Variants in MST1R observed in about 807,000 individuals in gnomAD.
MST1R encodes macrophage stimulating 1 receptor.
In MST1R, 99 loss-of-function variants were observed where a neutral mutation model predicts 117.8. The observed-to-expected ratio is 0.84, with a 90% confidence interval of 0.71 to 0.99. MST1R has a LOEUF of 0.99. MST1R is among the 50% of genes least tolerant of loss of function. The pLI is 0.00. For synonymous variants in MST1R, 734 were observed against 765.3 expected, an observed-to-expected ratio of 0.96 and a Z score of 0.68; for missense variants, 1,683 against 1,840.2, an observed-to-expected ratio of 0.91 and a Z score of 1.56.
rs528155081 is a variant in MST1R at position 49,895,925 on chromosome 3, C to T, written c.2796+36G>A. On this transcript the variant is annotated intron_variant, in intron 11 of 19. Transcript: ENST00000296474. ...CAGGCCCAGCCTGTAGGCCCTCTGC[C>T]CGTGTTTCCCAGGGAGGTCCAGCTG... 4 of 1,570,970 alleles carry T rather than the reference C, an allele frequency of 2.5e-6. No homozygotes were observed. The South Asian group carries it at 4.8e-5, about 19-fold the overall frequency.
At chr3:49,893,410 C>T (rs1461751188) in intron 14 of MST1R, among the ~76,000 whole-genome samples, 1 of 151,698 alleles carries the variant, frequency 6.6e-6, no homozygotes, top group Non-Finnish European at 1.5e-5. Flanking sequence ...TTGAGACCAG[C>T]CTGGCCAACA....
At position 49,897,645 on chromosome 3, in the gene MST1R, C is replaced by T; in HGVS notation, c.1921G>A (p.Glu641Lys). Residue 641 changes from glutamate to lysine, a missense_variant, in exon 6 of 20, where the codon GAA becomes AAA. Physicochemically the swap from Glu to Lys is moderately conservative, Grantham distance 56. Coordinates refer to ENST00000296474, the MANE Select transcript of MST1R (RefSeq NM_002447.4). ...RKDFVEEFEC[E>K]LEPLGTQAVG... ...GCCTGGGTGCCCAAGGGCTCCAGTT[C>T]ACACTCAAACTCCTCTACAAAGTCT... 6.2e-7 allele frequency: 1 copy of T among 1,614,020 alleles called. No homozygotes were observed. The highest frequency in any genetic ancestry group is 8.5e-7 in the Non-Finnish European group (1 of 1,179,950).
chr3:49,896,815 C>G lies in MST1R; in HGVS notation c.2259G>C (p.Val753=), dbSNP rs368995558. The change falls in exon 8 of 20, where the codon GTG becomes GTC. Residue 753 remains valine, a synonymous_variant. Coordinates refer to ENST00000296474, the MANE Select transcript of MST1R (RefSeq NM_002447.4). ...TVASVPLSLQ[V]GGAQVPGSWT... ...AGGAACCAGGTACCTGGGCACCCCC[C>G]ACCTGCAGGCTAAGGGGGACACTGG... 50 of 1,558,556 alleles carry G rather than the reference C, an allele frequency of 3.2e-5. No homozygotes were observed. The African/African-American group carries it at 3.3e-4, about 10-fold the overall frequency.
At position 49,887,264 on chromosome 3, in the gene MST1R, G is replaced by A. The variant is rs771815810; in HGVS notation, c.*43C>T. On this transcript the variant is annotated 3_prime_UTR_variant, in exon 20 of 20. Coordinates refer to ENST00000296474, the MANE Select transcript of MST1R (RefSeq NM_002447.4). The stretch of plus-strand genomic sequence containing the variant: ...CTGGCATGGCCCAGAGGCAGCTTGG[G>A]GTTAGCTCAAGGCAGCTAAGCAGGT... 3.7e-6 allele frequency: 6 copies of A among 1,605,392 alleles called. No individual in the cohort carries two copies. Among genetic ancestry groups the A allele is most frequent in the Admixed American group, 1.7e-5 (1 of 59,734 alleles).
Position 49,903,386 on chromosome 3 carries a change from C to A in MST1R, c.224G>T (p.Arg75Leu), listed in dbSNP as rs1489965247. Residue 75 changes from arginine (R) to leucine (L), a missense_variant, in exon 1 of 20, where the codon CGC becomes CTC. Arg to Leu is a moderately radical substitution (Grantham distance 102). Transcript: ENST00000296474. ...AGGCCCAAGCACATGCAGGCGATTG[C>A]GTATGGCTACAAACACAGCACTCTC... ...RNESAVFVAI[R>L]NRLHVLGPDL... The A allele has an allele frequency of 1.9e-6, 3 of 1,613,874 alleles. No individual in the cohort carries two copies. Among genetic ancestry groups the A allele is most frequent in the Admixed American group, 3.3e-5 (2 of 60,012 alleles).
chr3:49,898,423 C>G lies in MST1R; in HGVS notation c.1719+95G>C, dbSNP rs2082555231. 6 of 1,510,356 alleles carry G rather than the reference C, an allele frequency of 4.0e-6. No individual in the cohort carries two copies. The South Asian group carries it at 7.6e-5, about 19-fold the overall frequency. 93.6% of individuals were successfully genotyped at this position (1,510,356 alleles called of 1,614,324 possible). ...TCCTTGTAGATATGAAGGACACCCC[C>G]CAGACCTGAGAAAAATTGTGATCAA... On this transcript the variant is annotated intron_variant, in intron 4 of 19. Coordinates refer to ENST00000296474, the MANE Select transcript of MST1R (RefSeq NM_002447.4).
intron 1 of MST1R, among the ~76,000 whole-genome samples, chr3:49,901,781 AG>A (rs1342997475): frequency 7.4e-5 from 6 of 80,714 alleles, no homozygotes; most frequent in Admixed American, 3.2e-4. Context: ...GGGTGGGGGG[AG>A]GGGGTGTGGA....
rs2082281873 is a variant in MST1R, at chr3:49,890,545, A to T, written c.3750T>A (p.Pro1250=). 6.2e-7 allele frequency: 1 copy of T among 1,614,002 alleles called. No individual in the cohort carries two copies. Among genetic ancestry groups the T allele is most frequent in the Non-Finnish European group, 8.5e-7 (1 of 1,180,010 alleles). Residue 1250 remains proline, a synonymous_variant, in exon 18 of 20, where the codon CCT becomes CCA. Coordinates refer to ENST00000296474, the MANE Select transcript of MST1R (RefSeq NM_002447.4). ...GGCTCTCCAGCGCCATCCACTTCAC[A>T]GGTAGGCGAGCGTGGCGATGCTGTT... The part of the protein sequence containing the change: ...SVQQHRHARL[P]VKWMALESLQ...
intron 7 of MST1R, 77 bp downstream of exon 7, chr3:49,897,203 C>T: frequency 1.3e-6 from 2 of 1,524,828 alleles, no homozygotes; most frequent in Non-Finnish European, 1.8e-6. Flanking sequence ...AAGCACTCTT[C>T]CCTCCATCCT....
intron 1 of MST1R, among the ~76,000 whole-genome samples, chr3:49,901,549 A>G (rs2082677044): frequency 6.6e-6 from 1 of 152,066 alleles, no homozygotes; most frequent in Admixed American, 6.6e-5. Context: ...GCCTTTACTT[A>G]TCCCCAGATG....
chr3:49,898,070 T>C lies in MST1R; in HGVS notation c.1861A>G (p.Lys621Glu), dbSNP rs9819888. Residue 621 changes from lysine (K) to glutamate (E), a missense_variant, in exon 5 of 20, where the codon AAG becomes GAG. By Grantham distance (56) the Lys-to-Glu change is moderately conservative. Coordinates refer to ENST00000296474, the MANE Select transcript of MST1R (RefSeq NM_002447.4). ...TTGTACCTGAGTTTTGAGCTGTCCT[T>C]GGGCAGTGGCCGGCAGGGACTTTGG... is the stretch of plus-strand genomic sequence containing the variant. ...VGQSPCRPLPKDSSKLRPVPR... is the reference protein window; with the variant it reads ...VGQSPCRPLPEDSSKLRPVPR... 6.2e-7 allele frequency: 1 copy of C among 1,614,008 alleles called. No homozygotes were observed. Among genetic ancestry groups the C allele is most frequent in the East Asian group, 2.2e-5 (1 of 44,886 alleles).
At position 49,903,697 on chromosome 3, in the gene MST1R, G is replaced by A; in HGVS notation, c.-88C>T. 6.7e-7 allele frequency: 1 copy of A among 1,485,620 alleles called. No homozygotes were observed. The highest frequency in any genetic ancestry group is 8.9e-7 in the Non-Finnish European group (1 of 1,123,248). The allele number at this position is 1,485,620 out of a possible 1,614,324, so 92.0% of individuals were successfully genotyped here. A position where few individuals can be genotyped will look rare whatever the true frequency, so the allele number is the denominator to read the frequency against. ...GGCTGGGGGCCCGACTCGAGGTCTGGACTGGGCCAAATTTAAGCAGCGGTC... is the reference window on the plus strand; with the variant it reads ...GGCTGGGGGCCCGACTCGAGGTCTGAACTGGGCCAAATTTAAGCAGCGGTC... On this transcript the variant is annotated 5_prime_UTR_variant, in exon 1 of 20. Coordinates refer to ENST00000296474, the MANE Select transcript of MST1R (RefSeq NM_002447.4).
chr3:49,897,672 T>C lies in MST1R; in HGVS notation c.1894A>G (p.Lys632Glu), dbSNP rs2082528127. The change falls in exon 6 of 20, where the codon AAA (lysine) becomes GAA (glutamate). Residue 632 changes from lysine to glutamate, a missense_variant. Lys to Glu is a moderately conservative substitution (Grantham distance 56). Coordinates refer to ENST00000296474, the MANE Select transcript of MST1R (RefSeq NM_002447.4). ...CACTCAAACTCCTCTACAAAGTCTT[T>C]CCGGGGCACTGGTCTGGGGCACCAG... ...DSSKLRPVPRKDFVEEFECEL... is the reference protein window; with the variant it reads ...DSSKLRPVPREDFVEEFECEL... 6.2e-7 allele frequency: 1 copy of C among 1,612,696 alleles called. No homozygotes were observed.
intron 14 of MST1R, among the ~76,000 whole-genome samples, chr3:49,892,352 C>G (rs1297203176): frequency 6.6e-6 from 1 of 151,786 alleles, no homozygotes; most frequent in Non-Finnish European, 1.5e-5. Flanking sequence ...GCGGGTGGAT[C>G]ACGAGGTCAG....
In MST1R at chr3:49,890,034, T is replaced by A. The variant is rs753175738; in HGVS notation, c.3837A>T (p.Glu1279Asp). ...ATGGTGGGGCACCCCGTGTCAGCAG[T>A]TCCCACAGCAGCACACCAAATGACC... Reference protein sequence around the residue: ...DVWSFGVLLWELLTRGAPPYR... With the variant: ...DVWSFGVLLWDLLTRGAPPYR... The change falls in exon 19 of 20, where the codon GAA (glutamate) becomes GAT (aspartate). Residue 1279 changes from glutamate to aspartate, a missense_variant. Coordinates refer to ENST00000296474, the MANE Select transcript of MST1R (RefSeq NM_002447.4). The A allele has an allele frequency of 6.2e-7, 1 of 1,611,250 alleles. No homozygotes were observed. The highest frequency in any genetic ancestry group is 8.5e-7 in the Non-Finnish European group (1 of 1,178,554).
chr3:49,899,999 C>A (rs2082619609), intron 1 of MST1R, among the ~76,000 whole-genome samples: 1 of 152,204 alleles, frequency 6.6e-6, no homozygotes, highest in Non-Finnish European at 1.5e-5. Flanking sequence ...CTCCTGCCCC[C>A]TGCTGGCTCT....
intron 18 of MST1R, 127 bp downstream of exon 18, chr3:49,890,358 C>T: frequency 9.6e-7 from 1 of 1,046,032 alleles, no homozygotes; most frequent in African/African-American, 1.6e-5. Context: ...AAGAGGTGAG[C>T]AGATGGGCTG....
At chr3:49,890,245 C>A (rs1363292107) in intron 18 of MST1R, among the ~76,000 whole-genome samples, 185 bp from the exon 19 acceptor site, 1 of 152,204 alleles carries the variant, frequency 6.6e-6, no homozygotes, top group Non-Finnish European at 1.5e-5. Context: ...CTCATCCTAC[C>A]CAGAGTTGGG....
chr3:49,889,895 C>T (rs756868762), intron 19 of MST1R, 29 bp downstream of exon 19: 29 of 1,613,782 alleles, frequency 1.8e-5, no homozygotes, highest in Non-Finnish European at 2.5e-5. Context: ...GGCCCAGTTC[C>T]CTCCCCACTA....
Sources: gnomAD v4.1 joint callset for allele counts (sites outside exome capture counted in the v4.1 genomes callset) on GRCh38, gnomAD v4.1.1 for gene constraint, MANE v1.5 for transcripts, NCBI Gene and HGNC (gene_info 2026-07-23, HGNC 2026-07-21) for gene names.